BLNK: variants seen among roughly 807,000 people sequenced by gnomAD.
BLNK encodes the protein B cell linker, also known as B-cell linker protein.
In BLNK, 29 loss-of-function variants were observed where a neutral mutation model predicts 73.5. The observed-to-expected ratio is 0.39, with a 90% CI of 0.29 to 0.54. The LOEUF (loss-of-function observed/expected upper bound fraction) is 0.54. BLNK is among the 20% of genes least tolerant of loss of function. BLNK has a pLI of 0.61. For synonymous variants in BLNK, 176 were observed against 200.8 expected (o/e 0.88, Z 1.04); for missense variants, 460 against 562.8 (o/e 0.82, Z 1.85).
At chr10:96,224,776 C>A (rs1554902087) in intron 5 of BLNK, among the ~76,000 whole-genome samples, 1 of 152,196 alleles carries the variant, frequency 6.6e-6, no homozygotes, top group Non-Finnish European at 1.5e-5. Context: ...CTGGTTACTG[C>A]AACCTCCGCC....
At chr10:96,240,768 G>A (rs146139469) in intron 3 of BLNK, among the ~76,000 whole-genome samples, 222 of 152,286 alleles carry the variant, frequency 1.5e-3, no homozygotes, top group East Asian at 0.01. Context: ...CCCTGGATCA[G>A]ATATTGGTCT....
rs727852 is a variant in BLNK at position 96,230,827 on chromosome 10, A to C, written c.171T>G (p.Pro57=). The change falls in exon 4 of 17, where the codon CCT becomes CCG. Residue 57 remains proline (P), a synonymous_variant. Transcript: ENST00000224337. ...CGGACCACTGCTCCTCTTCGTCAGC[A>C]GGGCTCTCTGCAACAGCAGGGGAGA... is the stretch of plus-strand genomic sequence containing the variant. ...VPRRDYASES[P]ADEEEQWSDD... is the part of the protein sequence containing the mutation. 1.9e-5 allele frequency: 30 copies of C among 1,609,718 alleles called. No individual in the cohort carries two copies. In the East Asian group the frequency reaches 6.3e-4, roughly 34 times the overall value.
intron 1 of BLNK, among the ~76,000 whole-genome samples, chr10:96,254,511 TTTTGTTTTG>T (rs1564848960): frequency 7.8e-6 from 1 of 128,782 alleles, no homozygotes; most frequent in Non-Finnish European, 1.6e-5. Flanking sequence ...TTTTTTTTTG[TTTTGTTTTG>T]TTTTTTTGAG....
At chr10:96,240,310 C>G (rs1249567537) in intron 3 of BLNK, among the ~76,000 whole-genome samples, 1 of 152,220 alleles carries the variant, frequency 6.6e-6, no homozygotes, top group African/African-American at 2.4e-5. Context: ...ATGTGCGAAA[C>G]AGCTGAAGCA....
chr10:96,226,495 C>A (rs1842267541), intron 5 of BLNK, among the ~76,000 whole-genome samples: 1 of 152,116 alleles, frequency 6.6e-6, no homozygotes, highest in Admixed American at 6.5e-5. Flanking sequence ...GCTCTCTGAA[C>A]CTTTGGGGAA....
intron 3 of BLNK, among the ~76,000 whole-genome samples, chr10:96,240,010 G>A (rs868914255): frequency 3.9e-5 from 6 of 152,070 alleles, no homozygotes; most frequent in South Asian, 2.1e-4. Flanking sequence ...ATTTGTCCCC[G>A]AATCCTCAAA....
chr10:96,222,948 T>C (rs1217022836), intron 6 of BLNK, among the ~76,000 whole-genome samples: 1 of 152,074 alleles, frequency 6.6e-6, no homozygotes, highest in Non-Finnish European at 1.5e-5. Flanking sequence ...CTGTTAATTG[T>C]CTCTCTAAAA....
chr10:96,259,897 C>T (rs188845286), intron 1 of BLNK, among the ~76,000 whole-genome samples: 1 of 152,054 alleles, frequency 6.6e-6, no homozygotes, highest in East Asian at 1.9e-4. Context: ...GCATCAGGCA[C>T]ACCACCCTGA....
rs782510147 is a variant in BLNK, at chr10:96,204,095, G to A, written c.903-7C>T. The A allele has an allele frequency of 1.2e-5, 19 of 1,613,618 alleles. No individual in the cohort carries two copies. Among genetic ancestry groups the A allele is most frequent in the Non-Finnish European group, 1.6e-5 (19 of 1,179,732 alleles). On this transcript the variant is annotated splice_polypyrimidine_tract_variant and splice_region_variant and intron_variant, in intron 12 of 16. Coordinates refer to ENST00000224337, the MANE Select transcript of BLNK (RefSeq NM_013314.4). ...GGGTTTTTGGTGGATTTGTCTGCAA[G>A]AAAGAATTTCAGATAATTAAAGGAC...
intron 11 of BLNK, 79 bp downstream of exon 11, chr10:96,206,932 G>T: frequency 7.0e-7 from 1 of 1,423,368 alleles, no homozygotes; most frequent in Non-Finnish European, 9.9e-7. Flanking sequence ...CAAAAATAAT[G>T]TAATAAATGT....
At chr10:96,219,191 T>C (rs1554900557) in intron 6 of BLNK, among the ~76,000 whole-genome samples, 2 of 152,232 alleles carry the variant, frequency 1.3e-5, no homozygotes, top group African/African-American at 4.8e-5. Context: ...TTCCAGTACC[T>C]GGCCAGTCGA....
chr10:96,266,590 T>C (rs1268603355), intron 1 of BLNK, among the ~76,000 whole-genome samples: 3 of 152,330 alleles, frequency 2.0e-5, no homozygotes, highest in Non-Finnish European at 2.9e-5. Flanking sequence ...TCTCAGCTGC[T>C]CTGGGTAGTC....
At position 96,216,687 on chromosome 10, in the gene BLNK, A is replaced by G. The variant is rs2084073374; in HGVS notation, c.573T>C (p.His191=). 6.2e-7 allele frequency: 1 copy of G among 1,614,164 alleles called. No homozygotes were observed. Among genetic ancestry groups the G allele is most frequent in the Non-Finnish European group, 8.5e-7 (1 of 1,179,998 alleles). Residue 191 remains histidine (H), a synonymous_variant, in exon 7 of 17, where the codon CAT becomes CAC. Transcript: ENST00000224337. ...GTGGAGGTGAACTGCTTTCTGTGGG[A>G]TGAATATAGTTTTCATCATTATCTT... ...PVEDNDENYI[H]PTESSSPPPE...
chr10:96,217,305 G>A, intron 6 of BLNK, among the ~76,000 whole-genome samples: 1 of 152,148 alleles, frequency 6.6e-6, no homozygotes, highest in Non-Finnish European at 1.5e-5. Context: ...GTGTAGACAT[G>A]CATTTCTCTT....
At chr10:96,216,920 C>T (rs2084080753) in intron 6 of BLNK, among the ~76,000 whole-genome samples, 186 bp from the exon 7 acceptor site, 1 of 152,146 alleles carries the variant, frequency 6.6e-6, no homozygotes, top group African/African-American at 2.4e-5. Context: ...TCACCACAAT[C>T]TAATTTTAGG....
At chr10:96,252,745 C>T (rs1321207174) in intron 1 of BLNK, among the ~76,000 whole-genome samples, 1 of 152,084 alleles carries the variant, frequency 6.6e-6, no homozygotes, top group African/African-American at 2.4e-5. Flanking sequence ...AGAACATGCC[C>T]CTCTCCTTGC....
At chr10:96,255,509 T>C (rs1554910807) in intron 1 of BLNK, among the ~76,000 whole-genome samples, 1 of 152,034 alleles carries the variant, frequency 6.6e-6, no homozygotes, top group Non-Finnish European at 1.5e-5. Flanking sequence ...TTTTCATTTG[T>C]CTTTCAGAAA....
At chr10:96,222,098 G>A (rs189963868) in intron 6 of BLNK, among the ~76,000 whole-genome samples, 16 of 152,316 alleles carry the variant, frequency 1.1e-4, no homozygotes, top group Admixed American at 3.3e-4. Context: ...AAACCCCTCT[G>A]TGTGTGAGGC....
At chr10:96,199,900 T>C in intron 15 of BLNK, 175 bp downstream of exon 15, 1 of 339,090 alleles carries the variant, frequency 2.9e-6, no homozygotes, top group Non-Finnish European at 5.2e-6. Context: ...GGCACACACA[T>C]GTAATCCCAG....
Sources: gnomAD v4.1 joint callset for allele counts (sites outside exome capture counted in the v4.1 genomes callset) on GRCh38, gnomAD v4.1.1 for gene constraint, MANE v1.5 for transcripts, NCBI Gene and HGNC (gene_info 2026-07-23, HGNC 2026-07-21) for gene names.